The following IL1R1 variants were observed in gnomAD, a reference collection of about 807,000 sequenced individuals.
IL1R1 encodes the protein interleukin-1 receptor type 1.
Under a neutral mutation model 50.2 loss-of-function variants are expected in IL1R1, and 22 were observed. That is an observed-to-expected ratio of 0.44 (90% CI 0.31 to 0.63). The LOEUF (loss-of-function observed/expected upper bound fraction) is 0.63, where lower values mean the gene tolerates loss of function less well. Among genes scored for constraint, IL1R1 ranks in the 20% least tolerant of loss-of-function variants. The pLI is 0.07. For missense variants in IL1R1, 509 were observed against 676.2 expected, an observed-to-expected ratio of 0.75 and a Z score of 2.74; for synonymous variants, 251 against 236.7, an observed-to-expected ratio of 1.06 and a Z score of -0.55.
intron 1 of IL1R1, among the ~76,000 whole-genome samples, chr2:102,143,604 C>T (rs1273480276): frequency 6.6e-6 from 1 of 152,222 alleles, no homozygotes; most frequent in African/African-American, 2.4e-5. Flanking sequence ...GTCATCACCC[C>T]TGTTTTACAG....
intron 1 of IL1R1, among the ~76,000 whole-genome samples, chr2:102,094,265 A>T (rs368494743): frequency 2.0e-5 from 3 of 152,234 alleles, no homozygotes; most frequent in Non-Finnish European, 4.4e-5. Context: ...GACCTTGTTT[A>T]TTATTTTTCT....
rs3917322 is a variant in IL1R1, at chr2:102,176,786, A to G, written c.*27A>G. On this transcript the variant is annotated 3_prime_UTR_variant, in exon 12 of 12. Transcript: ENST00000410023. Reference sequence around the variant, plus strand: ...ATGGAGAAGTTGCCAAGAGTTCTTTAGGTGCCTCCTGTCTTATGGCGTTGC... The same window carrying G: ...ATGGAGAAGTTGCCAAGAGTTCTTTGGGTGCCTCCTGTCTTATGGCGTTGC... 21,926 of 1,606,872 alleles carry G rather than the reference A, an allele frequency of 0.014. 226 individuals carry two copies. Among genetic ancestry groups the G allele is most frequent in the East Asian group, 0.031 (1,400 of 44,760 alleles).
chr2:102,131,243 T>C (rs182937353), intron 1 of IL1R1, among the ~76,000 whole-genome samples: 84 of 151,900 alleles, frequency 5.5e-4, no homozygotes, highest in Admixed American at 1.2e-3. Flanking sequence ...AAAAGCAAGA[T>C]CCAAAAGAAT....
chr2:102,119,909 A>G (rs550999256), intron 1 of IL1R1, among the ~76,000 whole-genome samples: 1 of 152,222 alleles, frequency 6.6e-6, no homozygotes, highest in African/African-American at 2.4e-5. Context: ...GAACTTATTC[A>G]TTTCATGATG....
At position 102,177,008 on chromosome 2, in the gene IL1R1, A is replaced by G. The variant is rs1010296577; in HGVS notation, c.*249A>G. 9.1e-6 allele frequency: 4 copies of G among 437,498 alleles called. No individual in the cohort carries two copies. Among genetic ancestry groups the G allele is most frequent in the African/African-American group, 5.9e-5 (3 of 50,748 alleles). 27.1% of individuals were successfully genotyped at this position (437,498 alleles called of 1,614,324 possible). A position where few individuals can be genotyped will look rare whatever the true frequency, so the allele number is the denominator to read the frequency against. On this transcript the variant is annotated 3_prime_UTR_variant, in exon 12 of 12. Transcript: ENST00000410023. Reference sequence around the variant, plus strand: ...AGGCCCGGTGTGGTGGCTCACGCCTATAATCCCAGCACTTTGGGAGGCTGA... The same window carrying G: ...AGGCCCGGTGTGGTGGCTCACGCCTGTAATCCCAGCACTTTGGGAGGCTGA...
chr2:102,137,552 C>T (rs907045587), intron 1 of IL1R1, among the ~76,000 whole-genome samples: 6 of 152,180 alleles, frequency 3.9e-5, no homozygotes, highest in African/African-American at 1.4e-4. Flanking sequence ...ATGGTGGTCT[C>T]GGGACAGTCA....
chr2:102,165,167 G>A lies in IL1R1; in HGVS notation c.349G>A (p.Glu117Lys). The change falls in exon 5 of 12, where the codon GAG (glutamate) becomes AAG (lysine). Residue 117 changes from glutamate (E) to lysine (K), a missense_variant. Transcript: ENST00000410023. ...IKISAKFVENEPNLCYNAQAI... is the reference protein window; with the variant it reads ...IKISAKFVENKPNLCYNAQAI... ...AATAAGTGCAAAATTTGTGGAGAAT[G>A]AGCCTAACTTATGTTATAATGCACA... 6.3e-7 allele frequency: 1 copy of A among 1,588,042 alleles called. No individual in the cohort carries two copies. Among genetic ancestry groups the A allele is most frequent in the Non-Finnish European group, 8.5e-7 (1 of 1,172,748 alleles).
At chr2:102,108,051 C>A (rs765179465) in intron 1 of IL1R1, among the ~76,000 whole-genome samples, 4 of 152,130 alleles carry the variant, frequency 2.6e-5, no homozygotes, top group Non-Finnish European at 5.9e-5. Context: ...AAGATAGAGG[C>A]AAGCTTTTTG....
intron 1 of IL1R1, among the ~76,000 whole-genome samples, chr2:102,073,827 C>T (rs1331181806): frequency 6.6e-6 from 1 of 152,086 alleles, no homozygotes; most frequent in Non-Finnish European, 1.5e-5. Context: ...AGCAACCCTA[C>T]CTTATGCAAT....
In IL1R1 at chr2:102,081,925, C is replaced by T. The variant is rs141329097; in HGVS notation, c.-84+11392C>T. On this transcript the variant is annotated intron_variant, in intron 1 of 11. Coordinates refer to the IL1R1 transcript ENST00000409929. ...ATGAAAGAGAGTAAAGGCAGTTCTA[C>T]TTTTAAAGAAGTTAAAACATGGGCT... 0.012 allele frequency among the ~76,000 whole-genome samples: 1,829 copies of T among 152,304 alleles called. 55 individuals are homozygous for T. The South Asian group carries it at 0.13, about 11-fold the overall frequency.
At chr2:102,094,166 T>A (rs944451379) in intron 1 of IL1R1, among the ~76,000 whole-genome samples, 9 of 152,196 alleles carry the variant, frequency 5.9e-5, no homozygotes, top group African/African-American at 2.2e-4. Context: ...TAACTCTAAA[T>A]GTGAAATAAT....
In IL1R1 at chr2:102,168,711, A is replaced by G. The variant is rs201216211; in HGVS notation, c.721+48A>G. 55 of 1,154,954 alleles carry G rather than the reference A, an allele frequency of 4.8e-5. No homozygotes were observed. The African/African-American group carries it at 6.8e-4, about 14-fold the overall frequency. 71.5% of individuals were successfully genotyped at this position (1,154,954 alleles called of 1,614,324 possible). A position where few individuals can be genotyped will look rare whatever the true frequency, so the allele number is the denominator to read the frequency against. On this transcript the variant is annotated intron_variant, in intron 7 of 11. Transcript: ENST00000410023. The stretch of plus-strand genomic sequence containing the variant: ...ATGCTGGAATCGGTTTTTTTTTTTT[A>G]AAACATAAGAGTAAGATAAATTGTA...
chr2:102,145,067 G>A (rs113829873), intron 1 of IL1R1, among the ~76,000 whole-genome samples: 7,607 of 152,256 alleles, frequency 0.05, 277 homozygotes, highest in Non-Finnish European at 0.069. Context: ...GGACAATTGC[G>A]GTGAAACTAC....
chr2:102,177,543 A>G lies in IL1R1; in HGVS notation c.*784A>G, dbSNP rs1686248009. On this transcript the variant is annotated 3_prime_UTR_variant, in exon 12 of 12. Coordinates refer to ENST00000410023, the MANE Select transcript of IL1R1 (RefSeq NM_000877.4). ...CTTGGAGAACTTTCCATCTGCTTGT[A>G]TTTTCCATACACATCCCCAGCCAGA... The G allele has an allele frequency of 6.6e-6, 1 of 152,498 alleles. No individual in the cohort carries two copies. Among genetic ancestry groups the G allele is most frequent in the South Asian group, 2.1e-4 (1 of 4,832 alleles). The allele number at this position is 152,498 out of a possible 1,614,324, so 9.4% of individuals were successfully genotyped here. A position where few individuals can be genotyped will look rare whatever the true frequency, so the allele number is the denominator to read the frequency against.
Position 102,078,601 on chromosome 2 carries a change from A to ACACACACACACAC in IL1R1, c.-84+8068_-84+8069insCACACACACACAC, listed in dbSNP as rs1159929134. Among the ~76,000 whole-genome samples the ACACACACACACAC allele has an allele frequency of 4.9e-4, 65 of 133,464 alleles. 1 individual carries two copies. The highest frequency in any genetic ancestry group is 7.4e-4 in the Admixed American group (10 of 13,472). 87.6% of individuals were successfully genotyped at this position (133,464 alleles called of 152,430 possible). A position where few individuals can be genotyped will look rare whatever the true frequency, so the allele number is the denominator to read the frequency against. ...ACACACACACACACACACACACACA[A>ACACACACACACAC]GAAAAAAAAAAGGAAAAAAGCCCAT... On this transcript the variant is annotated intron_variant, in intron 1 of 11. Transcript: ENST00000409929.
chr2:102,142,729 C>G (rs1402412704), upstream of IL1R1: 1 of 150,836 alleles, frequency 6.6e-6, no homozygotes, highest in Non-Finnish European at 1.5e-5. Context: ...GGGGCTAGAG[C>G]CAGAGCCGCG....
upstream of IL1R1, among the ~76,000 whole-genome samples, chr2:102,103,366 C>G (rs1486043586): frequency 6.6e-6 from 1 of 151,946 alleles, no homozygotes; most frequent in Admixed American, 6.6e-5. Flanking sequence ...AGGAGGTGGG[C>G]TGTGTCGTGC....
At chr2:102,147,901 A>G (rs1683298054) in intron 1 of IL1R1, among the ~76,000 whole-genome samples, 1 of 152,228 alleles carries the variant, frequency 6.6e-6, no homozygotes, top group Non-Finnish European at 1.5e-5. Flanking sequence ...AATGATAAAA[A>G]TAAAACTTTC....
chr2:102,118,638 G>A (rs1577887698), intron 1 of IL1R1, among the ~76,000 whole-genome samples: 1 of 152,156 alleles, frequency 6.6e-6, no homozygotes. Context: ...GGGACACTCG[G>A]CTGGTGTCAT....
Sources: allele counts gnomAD v4.1 joint callset (sites outside exome capture counted in the v4.1 genomes callset), GRCh38; gene constraint gnomAD v4.1.1; transcripts MANE v1.5; gene names NCBI Gene and HGNC (gene_info 2026-07-23, HGNC 2026-07-21).